The following LRP1B variants were observed in gnomAD, a reference collection of about 807,000 sequenced individuals.
LRP1B encodes the protein LDL receptor related protein 1B, also known as low-density lipoprotein receptor-related protein 1B.
In LRP1B, 217 loss-of-function variants were observed where a neutral mutation model predicts 556.6. The ratio of observed to expected loss-of-function variants is 0.39; its 90% CI spans 0.35 to 0.44. The LOEUF (loss-of-function observed/expected upper bound fraction) is 0.44. Ranked by LOEUF, LRP1B falls within the 20% of genes least tolerant of loss-of-function variation. LRP1B has a pLI of 1.00. For missense variants in LRP1B, 5,053 were observed against 5,620.8 expected, an observed-to-expected ratio of 0.90 and a Z score of 3.23; for synonymous variants, 2,047 against 1,865.8, an observed-to-expected ratio of 1.10 and a Z score of -2.50.
chr2:140,321,089 A>G (rs893215370), intron 82 of LRP1B, among the ~76,000 whole-genome samples: 1 of 152,126 alleles, frequency 6.6e-6, no homozygotes, highest in Non-Finnish European at 1.5e-5. Flanking sequence ...AATAATTTTT[A>G]AAAGTATTAT....
intron 86 of LRP1B, among the ~76,000 whole-genome samples, chr2:140,260,537 G>A (rs114161029): frequency 0.011 from 1,735 of 151,510 alleles, 39 homozygotes; most frequent in African/African-American, 0.041. Context: ...ATGTATATGC[G>A]TGCATATATA....
At chr2:141,188,724 C>T (rs188891598) in intron 6 of LRP1B, 141 bp from the exon 7 acceptor site, 11,252 of 638,110 alleles carry the variant, frequency 0.018, 131 homozygotes, top group Middle Eastern at 0.026. Flanking sequence ...TGCAAAGTCT[C>T]TTGCTATGCC....
intron 7 of LRP1B, among the ~76,000 whole-genome samples, chr2:141,071,856 T>G (rs1043714589): frequency 1.1e-4 from 16 of 151,496 alleles, no homozygotes; most frequent in South Asian, 2.1e-4. Context: ...AATAAAAGAG[T>G]ATACAAACAA....
intron 7 of LRP1B, among the ~76,000 whole-genome samples, chr2:141,146,429 A>C (rs976486944): frequency 6.6e-6 from 1 of 152,230 alleles, no homozygotes; most frequent in Non-Finnish European, 1.5e-5. Context: ...TTTTTAATAC[A>C]AACCTATATT....
intron 16 of LRP1B, among the ~76,000 whole-genome samples, chr2:140,990,512 A>T (rs558352119): frequency 6.6e-6 from 1 of 152,130 alleles, no homozygotes; most frequent in East Asian, 1.9e-4. Flanking sequence ...AGAAAAATGC[A>T]TCACTTGTGA....
At chr2:141,455,956 T>C (rs1208535813) in intron 3 of LRP1B, among the ~76,000 whole-genome samples, 2 of 152,228 alleles carry the variant, frequency 1.3e-5, no homozygotes, top group East Asian at 1.9e-4. Context: ...GCCCATGTGA[T>C]AAGTGAGAAA....
At chr2:140,835,508 C>A (rs1257409386) in intron 31 of LRP1B, among the ~76,000 whole-genome samples, 1 of 152,060 alleles carries the variant, frequency 6.6e-6, no homozygotes, top group Admixed American at 6.6e-5. Flanking sequence ...ATAAAAACTT[C>A]AGTCACATTG....
intron 41 of LRP1B, among the ~76,000 whole-genome samples, chr2:140,651,186 G>A (rs190133896): frequency 6.6e-6 from 1 of 152,154 alleles, no homozygotes; most frequent in East Asian, 1.9e-4. Context: ...GGGCAGAGAA[G>A]TTCATGTCCT....
intron 2 of LRP1B, among the ~76,000 whole-genome samples, chr2:141,592,954 T>G (rs1687393069): frequency 6.6e-6 from 1 of 152,146 alleles, no homozygotes; most frequent in African/African-American, 2.4e-5. Context: ...TAATAGAGTC[T>G]CCCTTATTTC....
intron 32 of LRP1B, among the ~76,000 whole-genome samples, chr2:140,783,503 C>G (rs978650328): frequency 2.3e-5 from 3 of 133,028 alleles, no homozygotes; most frequent in African/African-American, 8.7e-5. Flanking sequence ...ATTCATAAGG[C>G]TACACAGATG....
chr2:140,363,247 C>T (rs1001946076), intron 72 of LRP1B, among the ~76,000 whole-genome samples: 1 of 151,594 alleles, frequency 6.6e-6, no homozygotes, highest in Non-Finnish European at 1.5e-5. Flanking sequence ...AATAGCTTGA[C>T]TCAATGTTGA....
chr2:140,957,758 T>C (rs1013761559), intron 18 of LRP1B, among the ~76,000 whole-genome samples: 1 of 151,498 alleles, frequency 6.6e-6, no homozygotes, highest in Non-Finnish European at 1.5e-5. Flanking sequence ...TCTAGATGCC[T>C]GGGTTTTAAT....
rs34488899 is a variant in LRP1B at position 140,868,265 on chromosome 2, TAAAAAAA to T, written c.4170-9_4170-3del. 1.7e-5 allele frequency: 22 copies of T among 1,296,090 alleles called. No homozygotes were observed. Among genetic ancestry groups the T allele is most frequent in the Non-Finnish European group, 2.1e-5 (21 of 991,624 alleles). The allele number at this position is 1,296,090 out of a possible 1,614,324, so 80.3% of individuals were successfully genotyped here. ...TCCCAGTCTGTCCAGAAAAGAATTC[TAAAAAAA>T]AAAAAAAAAAAAGAAATAATACTAT... On this transcript the variant is annotated splice_polypyrimidine_tract_variant and splice_region_variant and intron_variant, in intron 25 of 90. Coordinates refer to ENST00000389484, the MANE Select transcript of LRP1B (RefSeq NM_018557.3).
At chr2:141,330,679 T>C (rs955122687) in intron 3 of LRP1B, among the ~76,000 whole-genome samples, 4 of 151,988 alleles carry the variant, frequency 2.6e-5, no homozygotes, top group Non-Finnish European at 5.9e-5. Flanking sequence ...GCCGGTTTCC[T>C]GGCAAGGCCA....
chr2:142,117,840 A>G (rs1707327875), intron 1 of LRP1B, among the ~76,000 whole-genome samples: 2 of 152,108 alleles, frequency 1.3e-5, no homozygotes, highest in South Asian at 2.1e-4. Flanking sequence ...CCAATTTACA[A>G]GTCACCCACA....
chr2:140,712,536 C>T (rs1445695031), intron 37 of LRP1B, among the ~76,000 whole-genome samples: 1 of 151,942 alleles, frequency 6.6e-6, no homozygotes, highest in Non-Finnish European at 1.5e-5. Flanking sequence ...CATTTCCATC[C>T]TCTTTCTTCC....
chr2:142,041,504 T>C (rs191782900), intron 1 of LRP1B, among the ~76,000 whole-genome samples: 61 of 151,610 alleles, frequency 4.0e-4, no homozygotes, highest in Admixed American at 2.6e-3. Context: ...TATTTATGAA[T>C]GAAGAAACAA....
chr2:140,836,574 T>A (rs945974298), intron 31 of LRP1B, among the ~76,000 whole-genome samples: 1 of 152,160 alleles, frequency 6.6e-6, no homozygotes, highest in African/African-American at 2.4e-5. Context: ...CCAAAGGAGA[T>A]GTTAGTGATC....
intron 86 of LRP1B, among the ~76,000 whole-genome samples, chr2:140,257,671 G>C (rs941597151): frequency 1.3e-5 from 2 of 152,074 alleles, no homozygotes; most frequent in Non-Finnish European, 2.9e-5. Flanking sequence ...AGTTTTTCTC[G>C]GACTTTACTG....
Sources: allele counts gnomAD v4.1 joint callset (sites outside exome capture counted in the v4.1 genomes callset), GRCh38; gene constraint gnomAD v4.1.1; transcripts MANE v1.5; gene names NCBI Gene and HGNC (gene_info 2026-07-23, HGNC 2026-07-21).